Variants in SUGCT observed in about 807,000 individuals in gnomAD.
The protein encoded by SUGCT is succinyl-CoA:glutarate CoA-transferase.
SUGCT carries 41 observed loss-of-function variants against 55.0 expected under a neutral mutation model. The ratio of observed to expected loss-of-function variants is 0.74; its 90% CI spans 0.58 to 0.97. The LOEUF (loss-of-function observed/expected upper bound fraction) is 0.97. Among genes scored for constraint, SUGCT ranks in the 50% least tolerant of loss-of-function variants. SUGCT has a pLI of 0.00. For synonymous variants in SUGCT, 187 were observed against 200.4 expected (o/e 0.93, Z 0.56); for missense variants, 568 against 547.8 (o/e 1.04, Z -0.37).
the SUGCT span, among the ~76,000 whole-genome samples, chr7:40,949,147 C>G: frequency 6.6e-6 from 1 of 152,186 alleles, no homozygotes; most frequent in African/African-American, 2.4e-5. Context: ...GATCGCCATT[C>G]TAACTGGTGT....
At chr7:40,669,122 TG>T (rs1562936407) in intron 12 of SUGCT, among the ~76,000 whole-genome samples, 1 of 152,076 alleles carries the variant, frequency 6.6e-6, no homozygotes. Context: ...CAATTTTAAG[TG>T]GAGACCTACT....
chr7:40,288,453 A>G lies in SUGCT; in HGVS notation c.720+13797A>G, dbSNP rs964107885. Among the ~76,000 whole-genome samples, 32 of 152,280 alleles carry G rather than the reference A, an allele frequency of 2.1e-4. 1 individual carries two copies. The highest frequency in any genetic ancestry group is 7.7e-4 in the African/African-American group (32 of 41,570). ...TGTTAACACAGCAAGTTAAGATGTCACAAAGCTTGCCGGTCTTATTAAAAT... is the reference window on the plus strand; with the variant it reads ...TGTTAACACAGCAAGTTAAGATGTCGCAAAGCTTGCCGGTCTTATTAAAAT... On this transcript the variant is annotated intron_variant, in intron 8 of 13. Transcript: ENST00000335693.
At position 40,188,593 on chromosome 7, in the gene SUGCT, TCCC is replaced by T; in HGVS notation, c.312+14_312+16del. ...CCGAAATAAAAAAGTAAGAATATCA[TCCC>T]TTTTTTGCTTTTTGTGTGTAATTCT... is the stretch of plus-strand genomic sequence containing the variant. On this transcript the variant is annotated intron_variant, in intron 4 of 13. Coordinates refer to ENST00000335693, the MANE Select transcript of SUGCT (RefSeq NM_001193313.2). The T allele has an allele frequency of 6.3e-7, 1 of 1,575,294 alleles. No homozygotes were observed.
At chr7:40,562,298 CA>C (rs113046606) in intron 12 of SUGCT, among the ~76,000 whole-genome samples, 1,177 of 91,964 alleles carry the variant, frequency 0.013, 12 homozygotes, top group African/African-American at 0.035. Context: ...GATTCCGTCT[CA>C]AAAAAAAAAA....
intron 1 of SUGCT, among the ~76,000 whole-genome samples, chr7:40,145,441 C>T (rs576701997): frequency 6.6e-6 from 1 of 151,936 alleles, no homozygotes; most frequent in Non-Finnish European, 1.5e-5. Flanking sequence ...CTTTAAACAA[C>T]CAGTTAATTT....
chr7:40,363,871 T>G (rs1182902110), intron 9 of SUGCT, among the ~76,000 whole-genome samples: 1 of 152,214 alleles, frequency 6.6e-6, no homozygotes, highest in Non-Finnish European at 1.5e-5. Flanking sequence ...GTATCCTTGT[T>G]AACTTTCTGT....
chr7:40,404,587 C>T (rs1011043954), intron 9 of SUGCT, among the ~76,000 whole-genome samples: 2 of 152,102 alleles, frequency 1.3e-5, no homozygotes, highest in African/African-American at 2.4e-5. Context: ...CAGGCATGTG[C>T]CACCACACCC....
intron 12 of SUGCT, among the ~76,000 whole-genome samples, chr7:40,530,477 A>G (rs1254542044): frequency 6.6e-6 from 1 of 152,336 alleles, no homozygotes; most frequent in African/African-American, 2.4e-5. Flanking sequence ...GAGCATGCTT[A>G]CAATTTAGCT....
At chr7:40,686,974 C>T (rs1452243010) in intron 12 of SUGCT, among the ~76,000 whole-genome samples, 2 of 152,130 alleles carry the variant, frequency 1.3e-5, no homozygotes, top group Non-Finnish European at 2.9e-5. Flanking sequence ...CCTCAGGTTA[C>T]TCCAGTCCCA....
chr7:40,241,909 A>T (rs988174634), intron 7 of SUGCT, among the ~76,000 whole-genome samples: 1 of 102,594 alleles, frequency 9.7e-6, no homozygotes, highest in African/African-American at 4.2e-5. Flanking sequence ...ACAGACCAAG[A>T]CTCTGTCTCC....
intron 10 of SUGCT, among the ~76,000 whole-genome samples, chr7:40,452,469 G>A (rs1789244389): frequency 6.6e-6 from 1 of 152,108 alleles, no homozygotes; most frequent in Non-Finnish European, 1.5e-5. Flanking sequence ...TATGTCTGGG[G>A]TGAGGTAGAG....
intron 9 of SUGCT, among the ~76,000 whole-genome samples, chr7:40,448,693 A>C (rs1788997215): frequency 1.3e-5 from 2 of 152,072 alleles, no homozygotes; most frequent in South Asian, 4.1e-4. Flanking sequence ...AAAAAGTACA[A>C]AATTAGCTGG....
intron 12 of SUGCT, among the ~76,000 whole-genome samples, chr7:40,650,203 C>T (rs1800709437): frequency 6.6e-6 from 1 of 152,172 alleles, no homozygotes; most frequent in Non-Finnish European, 1.5e-5. Flanking sequence ...CAGCAGGAGT[C>T]CTCAGGGCAA....
downstream of SUGCT, among the ~76,000 whole-genome samples, chr7:40,863,436 G>T (rs1215313577): frequency 1.3e-5 from 2 of 152,102 alleles, no homozygotes; most frequent in Non-Finnish European, 2.9e-5. Flanking sequence ...AGGCTTTATA[G>T]ATATGAAACT....
At chr7:40,930,667 T>C in the SUGCT span, among the ~76,000 whole-genome samples, 26 of 152,336 alleles carry the variant, frequency 1.7e-4, no homozygotes, top group Non-Finnish European at 3.1e-4. Context: ...CTAGATATTT[T>C]ATTCTCTTTG....
chr7:40,384,673 A>G (rs1447382779), intron 9 of SUGCT, among the ~76,000 whole-genome samples: 1 of 151,920 alleles, frequency 6.6e-6, no homozygotes, highest in African/African-American at 2.4e-5. Context: ...CCTCCCAAGC[A>G]GCTGGGATTA....
chr7:40,293,460 C>T (rs996833403), intron 8 of SUGCT, among the ~76,000 whole-genome samples: 5 of 152,128 alleles, frequency 3.3e-5, no homozygotes, highest in Non-Finnish European at 5.9e-5. Context: ...AAAATCTCTC[C>T]GGATGATTCT....
chr7:40,353,538 G>A (rs1051592644), intron 9 of SUGCT, among the ~76,000 whole-genome samples: 1 of 152,044 alleles, frequency 6.6e-6, no homozygotes, highest in African/African-American at 2.4e-5. Flanking sequence ...TACCTTTCAC[G>A]TTGAAGATAA....
chr7:40,274,247 G>A (rs1792313124), intron 7 of SUGCT, among the ~76,000 whole-genome samples: 2 of 151,362 alleles, frequency 1.3e-5, no homozygotes, highest in Admixed American at 6.6e-5. Context: ...ACATCAGATC[G>A]GTTTCTAAAA....
Sources: allele counts gnomAD v4.1 joint callset (sites outside exome capture counted in the v4.1 genomes callset), GRCh38; gene constraint gnomAD v4.1.1; transcripts MANE v1.5; gene names NCBI Gene and HGNC (gene_info 2026-07-23, HGNC 2026-07-21).